Variants in BAG4 observed in about 807,000 individuals in gnomAD.
BAG4 encodes BAG family molecular chaperone regulator 4.
A neutral mutation model predicts 52.1 loss-of-function variants in BAG4; 28 were observed. That is an observed-to-expected ratio of 0.54 (90% CI 0.40 to 0.74). The LOEUF is 0.74. BAG4 is among the 30% of genes least tolerant of loss of function. The pLI is 0.00. For synonymous variants in BAG4, 208 were observed against 217.0 expected (o/e 0.96, Z 0.37); for missense variants, 525 against 572.0 (o/e 0.92, Z 0.84).
intron 1 of BAG4, among the ~76,000 whole-genome samples, chr8:38,189,802 T>C (rs925193610): frequency 4.0e-5 from 6 of 151,818 alleles, no homozygotes; most frequent in African/African-American, 1.4e-4. Flanking sequence ...GCATAAAAGG[T>C]TAAATTACGT....
At chr8:38,186,086 A>G (rs1585653010) in intron 1 of BAG4, among the ~76,000 whole-genome samples, 1 of 152,068 alleles carries the variant, frequency 6.6e-6, no homozygotes, top group East Asian at 1.9e-4. Flanking sequence ...GCGTACCAAC[A>G]TTTCTCATTT....
chr8:38,192,610 T>A, intron 1 of BAG4, 78 bp from the exon 2 acceptor site: 1 of 1,158,364 alleles, frequency 8.6e-7, no homozygotes, highest in East Asian at 2.4e-5. Flanking sequence ...TTAATCCTTA[T>A]AACCTGCCTC....
At chr8:38,205,937 T>A (rs1048677543) in intron 2 of BAG4, among the ~76,000 whole-genome samples, 31 of 151,160 alleles carry the variant, frequency 2.1e-4, no homozygotes, top group East Asian at 5.8e-4. Context: ...TTTTTTTTTT[T>A]AAATAGATGG....
chr8:38,193,176 T>C (rs1367336128), intron 2 of BAG4, among the ~76,000 whole-genome samples: 2 of 152,146 alleles, frequency 1.3e-5, no homozygotes, highest in East Asian at 3.8e-4. Context: ...CCCAGCACTT[T>C]GGGAGACCAA....
At position 38,213,110 on chromosome 8, in the gene BAG4, A is replaced by G. The variant is rs1803889925; in HGVS notation, c.*2617A>G. 1 of 152,230 alleles carries G rather than the reference A, an allele frequency of 6.6e-6. No individual in the cohort carries two copies. The highest frequency in any genetic ancestry group is 2.4e-5 in the African/African-American group (1 of 41,464). 9.4% of individuals were successfully genotyped at this position (152,230 alleles called of 1,614,324 possible). A position where few individuals can be genotyped will look rare whatever the true frequency, so the allele number is the denominator to read the frequency against. On this transcript the variant is annotated 3_prime_UTR_variant, in exon 5 of 5. Coordinates refer to ENST00000287322, the MANE Select transcript of BAG4 (RefSeq NM_004874.4). ...TCTATCTCAGAAAATATATGAACTT[A>G]AGAAGGAAAATAGTATTTATGATTT...
At chr8:38,190,294 A>ACATT (rs1803452651) in intron 1 of BAG4, among the ~76,000 whole-genome samples, 1 of 152,200 alleles carries the variant, frequency 6.6e-6, no homozygotes, top group African/African-American at 2.4e-5. Flanking sequence ...ACTACTAATA[A>ACATT]CATTATATGA....
chr8:38,210,766 C>T lies in BAG4; in HGVS notation c.*273C>T. The stretch of plus-strand genomic sequence containing the variant: ...TCCTTAAAAAATTTATGGATATCTA[C>T]AAGCTGCTTCTTACCAGCAGGAGGG... On this transcript the variant is annotated 3_prime_UTR_variant, in exon 5 of 5. Coordinates refer to ENST00000287322, the MANE Select transcript of BAG4 (RefSeq NM_004874.4). The T allele has an allele frequency of 3.7e-6, 1 of 273,830 alleles. No individual in the cohort carries two copies. The allele number at this position is 273,830 out of a possible 1,614,324, so 17.0% of individuals were successfully genotyped here.
At chr8:38,209,944 A>G in intron 4 of BAG4, 64 bp from the exon 5 acceptor site, 1 of 1,554,722 alleles carries the variant, frequency 6.4e-7, no homozygotes, top group Non-Finnish European at 8.7e-7. Flanking sequence ...TGGGCTAACA[A>G]ATTTGATGTT....
chr8:38,190,730 A>G (rs1450928835), intron 1 of BAG4, among the ~76,000 whole-genome samples: 2 of 146,948 alleles, frequency 1.4e-5, no homozygotes, highest in South Asian at 2.1e-4. Context: ...AGATTGAGCC[A>G]CTGCGCCCAG....
At chr8:38,208,866 T>C in intron 3 of BAG4, 147 bp from the exon 4 acceptor site, 7 of 1,013,732 alleles carry the variant, frequency 6.9e-6, no homozygotes, top group Non-Finnish European at 8.3e-6. Flanking sequence ...CTGCAGCTGA[T>C]TAATTAGATT....
chr8:38,193,329 G>A (rs1803506941), intron 2 of BAG4, among the ~76,000 whole-genome samples: 2 of 151,836 alleles, frequency 1.3e-5, no homozygotes, highest in African/African-American at 4.8e-5. Context: ...TGAGGCAGGA[G>A]AACCGCCTGA....
At chr8:38,184,765 TC>T (rs927011781) in intron 1 of BAG4, among the ~76,000 whole-genome samples, 1 of 152,064 alleles carries the variant, frequency 6.6e-6, no homozygotes, top group Non-Finnish European at 1.5e-5. Context: ...TTTGTAGACT[TC>T]CAGCCTTACA....
At chr8:38,197,285 A>G (rs1026427158) in intron 2 of BAG4, among the ~76,000 whole-genome samples, 2 of 152,228 alleles carry the variant, frequency 1.3e-5, no homozygotes, top group Non-Finnish European at 2.9e-5. Flanking sequence ...TCACAAGTCT[A>G]GATGGTACAG....
In BAG4 at chr8:38,176,896, C is replaced by T. The variant is rs761399465; in HGVS notation, c.27C>T (p.Tyr9=). The change falls in exon 1 of 5, where the codon TAC becomes TAT. Residue 9 remains tyrosine (Y), a synonymous_variant. Transcript: ENST00000287322. MSALRRSG[Y]GPSDGPSYGR... is the part of the protein sequence containing the mutation. ...TGTCGGCCCTGAGGCGCTCGGGCTA[C>T]GGCCCCAGTGACGGTCCGTCCTACG... The T allele has an allele frequency of 7.0e-5, 108 of 1,545,034 alleles. No homozygotes were observed. In the East Asian group the frequency reaches 2.5e-3, roughly 36 times the overall value.
chr8:38,209,286 G>A lies in BAG4; in HGVS notation c.888+19G>A, dbSNP rs2130693416. 1 of 1,613,970 alleles carries A rather than the reference G, an allele frequency of 6.2e-7. No individual in the cohort carries two copies. ...GCCCAAGGTAGGAGACCTAAATGTT[G>A]TTCCTTTAATGTGTGTGTAATTAGG... On this transcript the variant is annotated intron_variant, in intron 4 of 4. Transcript: ENST00000287322.
At chr8:38,183,274 C>G (rs1318413464) in intron 1 of BAG4, among the ~76,000 whole-genome samples, 2 of 151,982 alleles carry the variant, frequency 1.3e-5, no homozygotes, top group African/African-American at 4.8e-5. Context: ...GTCTCGATCT[C>G]CTGACCTTGT....
In BAG4 at chr8:38,207,597, A is replaced by G. The variant is rs570023756; in HGVS notation, c.464A>G (p.Tyr155Cys). Reference sequence around the variant, plus strand: ...AATACTGCCTCATACTCAGGGGCTTATTATGCACCTGGTTATACTCAGACC... The same window carrying G: ...AATACTGCCTCATACTCAGGGGCTTGTTATGCACCTGGTTATACTCAGACC... ...GANTASYSGA[Y>C]YAPGYTQTSY... Residue 155 changes from tyrosine to cysteine, a missense_variant, in exon 3 of 5, where the codon TAT becomes TGT. Tyr to Cys is a radical substitution (Grantham distance 194, BLOSUM62 -2). Coordinates refer to ENST00000287322, the MANE Select transcript of BAG4 (RefSeq NM_004874.4). The G allele has an allele frequency of 5.6e-6, 9 of 1,613,872 alleles. No homozygotes were observed. The highest frequency in any genetic ancestry group is 6.8e-6 in the Non-Finnish European group (8 of 1,179,974).
chr8:38,189,436 C>A (rs1401241542), intron 1 of BAG4, among the ~76,000 whole-genome samples: 1 of 152,066 alleles, frequency 6.6e-6, no homozygotes, highest in Admixed American at 6.6e-5. Flanking sequence ...TGAAGTAATT[C>A]TTTTTTCTCT....
intron 1 of BAG4, among the ~76,000 whole-genome samples, chr8:38,181,875 C>A (rs1270386125): frequency 9.3e-6 from 1 of 107,612 alleles, no homozygotes; most frequent in African/African-American, 3.7e-5. Flanking sequence ...GGCTGCCTAG[C>A]GAGACTATCT....
Sources: allele counts gnomAD v4.1 joint callset (sites outside exome capture counted in the v4.1 genomes callset), GRCh38; gene constraint gnomAD v4.1.1; transcripts MANE v1.5; gene names NCBI Gene and HGNC (gene_info 2026-07-23, HGNC 2026-07-21).